Variants in CPEB3 observed in about 807,000 individuals in gnomAD.
CPEB3 encodes the protein cytoplasmic polyadenylation element-binding protein 3.
Under a neutral mutation model 67.2 loss-of-function variants are expected in CPEB3, and 20 were observed. The ratio of observed to expected loss-of-function variants is 0.30; its 90% CI spans 0.21 to 0.43. The LOEUF is 0.43. Ranked by LOEUF, CPEB3 falls within the 20% of genes least tolerant of loss-of-function variation. The pLI is 1.00. For synonymous variants in CPEB3, 376 were observed against 393.1 expected, an observed-to-expected ratio of 0.96 and a Z score of 0.51; for missense variants, 746 against 968.6, an observed-to-expected ratio of 0.77 and a Z score of 3.05.
chr10:92,194,521 G>C (rs1849137350), intron 2 of CPEB3, among the ~76,000 whole-genome samples: 1 of 152,106 alleles, frequency 6.6e-6, no homozygotes, highest in South Asian at 2.1e-4. Flanking sequence ...TGTGTCCAAA[G>C]TACGAAAATT....
At chr10:92,090,947 G>A (rs913324142) in intron 8 of CPEB3, among the ~76,000 whole-genome samples, 9 of 152,196 alleles carry the variant, frequency 5.9e-5, no homozygotes, top group Non-Finnish European at 1.5e-5. Flanking sequence ...GAAATTATGA[G>A]TGTCTTTATA....
chr10:92,066,826 C>T (rs1801197885), intron 9 of CPEB3, among the ~76,000 whole-genome samples: 1 of 152,122 alleles, frequency 6.6e-6, no homozygotes, highest in South Asian at 2.1e-4. Context: ...GGGCGGATCA[C>T]TTGAAGTCAG....
chr10:92,259,102 A>G (rs970700334), intron 1 of CPEB3, among the ~76,000 whole-genome samples: 10 of 151,774 alleles, frequency 6.6e-5, no homozygotes, highest in African/African-American at 2.4e-4. Context: ...AGCAGGGATT[A>G]CAGGTACACG....
chr10:92,203,835 C>A (rs1373169320), intron 2 of CPEB3, among the ~76,000 whole-genome samples: 2 of 152,094 alleles, frequency 1.3e-5, no homozygotes, highest in South Asian at 2.1e-4. Flanking sequence ...TAAACCTAAA[C>A]GAGACAGTAG....
chr10:92,271,710 T>C (rs1054226434), intron 1 of CPEB3, among the ~76,000 whole-genome samples: 2 of 152,228 alleles, frequency 1.3e-5, no homozygotes, highest in African/African-American at 4.8e-5. Flanking sequence ...TTGGTTAAAA[T>C]AGTGTCTACC....
chr10:92,211,305 T>C (rs1005507264), intron 2 of CPEB3, among the ~76,000 whole-genome samples: 8 of 152,134 alleles, frequency 5.3e-5, no homozygotes, highest in African/African-American at 1.7e-4. Context: ...CCAAGAAAAC[T>C]CTTACATTGT....
At chr10:92,177,511 T>C (rs769513866) in intron 4 of CPEB3, among the ~76,000 whole-genome samples, 2 of 152,228 alleles carry the variant, frequency 1.3e-5, no homozygotes, top group South Asian at 2.1e-4. Context: ...TTACTATTAA[T>C]AGATTCATGG....
At chr10:92,071,617 C>A (rs965075185) in intron 9 of CPEB3, among the ~76,000 whole-genome samples, 1 of 151,896 alleles carries the variant, frequency 6.6e-6, no homozygotes, top group African/African-American at 2.4e-5. Context: ...CGCCTGTAAT[C>A]CCAGCTACTC....
At chr10:92,280,091 C>T (rs929157572) in intron 1 of CPEB3, among the ~76,000 whole-genome samples, 2 of 151,288 alleles carry the variant, frequency 1.3e-5, no homozygotes, top group African/African-American at 4.9e-5. Flanking sequence ...ACCTGTAATC[C>T]CTGCACTTTG....
Position 92,109,536 on chromosome 10 carries a change from G to A in CPEB3, c.1572+1540C>T, listed in dbSNP as rs565337126. Among the ~76,000 whole-genome samples, 5 of 152,228 alleles carry A rather than the reference G, an allele frequency of 3.3e-5. 1 individual carries two copies. Among genetic ancestry groups the A allele is most frequent in the African/African-American group, 1.2e-4 (5 of 41,550 alleles). ...CAAAGTGCTGGGATTACAGGCGTGA[G>A]CTACTGTACCTGGCCAGGTACAGAT... is the stretch of plus-strand genomic sequence containing the variant. On this transcript the variant is annotated intron_variant, in intron 7 of 9. Transcript: ENST00000265997.
At chr10:92,276,869 TGG>T (rs202163900) in intron 1 of CPEB3, among the ~76,000 whole-genome samples, 33,755 of 152,252 alleles carry the variant, frequency 0.22, 4,701 homozygotes, top group Middle Eastern at 0.34. Flanking sequence ...TATCCTATGA[TGG>T]CTAGTCATCC....
chr10:92,250,612 T>G (rs532045043), intron 1 of CPEB3, among the ~76,000 whole-genome samples: 48 of 152,230 alleles, frequency 3.2e-4, no homozygotes, highest in African/African-American at 1.1e-3. Flanking sequence ...TAGAACAACT[T>G]CCATTCCTGC....
chr10:92,133,675 A>T (rs1364071249), intron 6 of CPEB3, among the ~76,000 whole-genome samples: 2 of 152,202 alleles, frequency 1.3e-5, no homozygotes, highest in East Asian at 3.8e-4. Context: ...TGAGGACAGC[A>T]TCATCCTGAT....
At chr10:92,177,212 C>G (rs1408007275) in intron 4 of CPEB3, among the ~76,000 whole-genome samples, 1 of 152,114 alleles carries the variant, frequency 6.6e-6, no homozygotes, top group African/African-American at 2.4e-5. Context: ...ATTATGCAAA[C>G]GTCGAGTGTT....
intron 3 of CPEB3, among the ~76,000 whole-genome samples, chr10:92,188,625 C>G (rs1188375886): frequency 6.6e-6 from 1 of 151,942 alleles, no homozygotes; most frequent in Non-Finnish European, 1.5e-5. Flanking sequence ...GAGGCTGAGG[C>G]AGGAGAATTG....
chr10:92,201,787 T>C (rs1310925397), intron 2 of CPEB3, among the ~76,000 whole-genome samples: 3 of 152,160 alleles, frequency 2.0e-5, no homozygotes, highest in Admixed American at 2.0e-4. Flanking sequence ...CTCCTAATAT[T>C]ATTTTCTTCT....
chr10:92,216,520 G>A (rs1245806967), intron 2 of CPEB3: 10 of 1,612,788 alleles, frequency 6.2e-6, no homozygotes, highest in Non-Finnish European at 7.6e-6. Context: ...TTCGGCGCGG[G>A]GTGAAAGAGG....
chr10:92,048,589 C>T lies in CPEB3; in HGVS notation c.*3623G>A, dbSNP rs1852180582. 1 of 152,478 alleles carries T rather than the reference C, an allele frequency of 6.6e-6. No homozygotes were observed. Among genetic ancestry groups the T allele is most frequent in the African/African-American group, 2.4e-5 (1 of 41,384 alleles). The allele number at this position is 152,478 out of a possible 1,614,324, so 9.4% of individuals were successfully genotyped here. On this transcript the variant is annotated 3_prime_UTR_variant, in exon 10 of 10. Transcript: ENST00000265997. This position sits in a 1 kb window ranked among gnomAD's most constrained non-coding sequence, Gnocchi z 4.1. Reference sequence around the variant, plus strand: ...AGAACTGCACTGTGACATCCCTAGTCTTACACTAAACCACTGTGATAAAGG... The same window carrying T: ...AGAACTGCACTGTGACATCCCTAGTTTTACACTAAACCACTGTGATAAAGG...
intron 1 of CPEB3, among the ~76,000 whole-genome samples, chr10:92,282,447 T>C (rs190157072): frequency 1.3e-5 from 2 of 152,312 alleles, no homozygotes; most frequent in African/African-American, 4.8e-5. Flanking sequence ...CCCAGCACTT[T>C]GGGAGGCCAA....
Sources: gnomAD v4.1 joint callset for allele counts (sites outside exome capture counted in the v4.1 genomes callset) on GRCh38, gnomAD v4.1.1 for gene constraint, Gnocchi (gnomAD v3.1) non-coding constraint, MANE v1.5 for transcripts, NCBI Gene and HGNC (gene_info 2026-07-23, HGNC 2026-07-21) for gene names.